The following ZNF717 variants were observed in gnomAD, a reference collection of about 807,000 sequenced individuals.
The protein encoded by ZNF717 is zinc finger protein 717.
In ZNF717, 9 loss-of-function variants were observed where a neutral mutation model predicts 13.8. The ratio of observed to expected loss-of-function variants is 0.65; its 90% CI spans 0.39 to 1.14. The LOEUF (loss-of-function observed/expected upper bound fraction) is 1.14. Ranked by LOEUF, ZNF717 falls within the 50% of genes most tolerant of loss-of-function variation. The probability of loss-of-function intolerance (pLI) is 0.01; values close to 1 mark genes in which losing one functional copy is unlikely to be tolerated. For missense variants in ZNF717, 1,040 were observed against 1,080.7 expected, an observed-to-expected ratio of 0.96 and a Z score of 0.53; for synonymous variants, 327 against 364.1, an observed-to-expected ratio of 0.90 and a Z score of 1.16.
chr3:75,701,209 G>A (rs1459749148), intron 6 of ZNF717, among the ~76,000 whole-genome samples: 25 of 151,914 alleles, frequency 1.6e-4, no homozygotes, highest in Admixed American at 3.9e-4. Context: ...CAGTTCTCAT[G>A]AGATCTGATG....
At chr3:75,726,176 G>A (rs1938274995), downstream of ZNF717, among the ~76,000 whole-genome samples, 1 of 152,288 alleles carries the variant, frequency 6.6e-6, no homozygotes, top group Non-Finnish European at 1.5e-5. Context: ...AAGATCACTA[G>A]GCATTTGTTA....
chr3:75,714,360 A>G (rs1467443933), intron 5 of ZNF717, among the ~76,000 whole-genome samples: 1 of 151,812 alleles, frequency 6.6e-6, no homozygotes, highest in Non-Finnish European at 1.5e-5. Context: ...TAGACCAAGG[A>G]GCCCTTGTCT....
At chr3:75,720,303 C>T (rs1436909796) in intron 4 of ZNF717, among the ~76,000 whole-genome samples, 2 of 152,152 alleles carry the variant, frequency 1.3e-5, no homozygotes, top group East Asian at 3.9e-4. Context: ...TACTATGCAG[C>T]CATAAAAAAG....
downstream of ZNF717, among the ~76,000 whole-genome samples, chr3:75,705,184 A>G (rs796353000): frequency 2.0e-5 from 3 of 152,300 alleles, no homozygotes; most frequent in Admixed American, 2.0e-4. Flanking sequence ...GAGTTTTGTC[A>G]GTTTTGTCAC....
At chr3:75,719,094 G>C (rs1239038576) in intron 4 of ZNF717, among the ~76,000 whole-genome samples, 14 of 152,126 alleles carry the variant, frequency 9.2e-5, no homozygotes, top group Admixed American at 8.5e-4. Flanking sequence ...AGGAGTTTGA[G>C]ACCAACCTGG....
At chr3:75,769,590 G>A (rs1943743303) in intron 2 of ZNF717, among the ~76,000 whole-genome samples, 1 of 152,194 alleles carries the variant, frequency 6.6e-6, no homozygotes. Context: ...GTAGAACCTT[G>A]ATCTGAAACA....
chr3:75,771,983 C>G (rs1385236218), intron 2 of ZNF717, among the ~76,000 whole-genome samples: 1 of 152,254 alleles, frequency 6.6e-6, no homozygotes, highest in African/African-American at 2.4e-5. Context: ...GCAGTGCTGA[C>G]ATGCCAGCCC....
At position 75,737,101 on chromosome 3, in the gene ZNF717, G is replaced by A. The variant is rs79138891; in HGVS notation, c.2522C>T (p.Pro841Leu). The change falls in exon 5 of 5, where the codon CCC becomes CTC. Residue 841 changes from proline (P) to leucine (L), a missense_variant. Pro to Leu is a moderately conservative substitution (Grantham distance 98, BLOSUM62 -3). This residue lies in a region of ZNF717 where 873 missense variants were observed against 832.8 expected (regional missense o/e 1.05). Transcript: ENST00000652011. ...TTTCCTACATTCATTACATCTAAAG[G>A]GTTTTTCCCCTGTGTGAGTTCTGTG... ...VHHRTHTGEKPFRCNECRKTF... is the reference protein window; with the variant it reads ...VHHRTHTGEKLFRCNECRKTF... 3.8e-6 allele frequency: 6 copies of A among 1,567,512 alleles called. No homozygotes were observed. The highest frequency in any genetic ancestry group is 5.2e-6 in the Non-Finnish European group (6 of 1,155,730).
At chr3:75,711,609 A>G (rs1452624358) in intron 5 of ZNF717, among the ~76,000 whole-genome samples, 1 of 152,168 alleles carries the variant, frequency 6.6e-6, no homozygotes, top group Non-Finnish European at 1.5e-5. Context: ...CAGCCTGGGC[A>G]ATATGGAGAA....
rs878861280 is a variant in ZNF717, at chr3:75,741,522, C to G, written c.184+88G>C. On this transcript the variant is annotated intron_variant, in intron 3 of 4. Coordinates refer to ENST00000652011, the MANE Select transcript of ZNF717 (RefSeq NM_001290208.3). ...ACATTTTTCATCAACTGGAAGCTTA[C>G]AAGTAAATATTATTATACCTTAAAA... is the stretch of plus-strand genomic sequence containing the variant. 153 of 1,498,990 alleles carry G rather than the reference C, an allele frequency of 1.0e-4. 2 individuals carry two copies. In the South Asian group the frequency reaches 1.8e-3, roughly 18 times the overall value. 92.9% of individuals were successfully genotyped at this position (1,498,990 alleles called of 1,614,324 possible).
chr3:75,707,622 C>A (rs1230508384), downstream of ZNF717, among the ~76,000 whole-genome samples: 2 of 152,214 alleles, frequency 1.3e-5, no homozygotes, highest in Non-Finnish European at 2.9e-5. Flanking sequence ...GGGTGCAGTG[C>A]ACGGTGCACA....
At chr3:75,703,145 A>G (rs75336093) in intron 6 of ZNF717, among the ~76,000 whole-genome samples, 1 of 152,308 alleles carries the variant, frequency 6.6e-6, no homozygotes, top group Non-Finnish European at 1.5e-5. Context: ...TGCATTCTAG[A>G]GTTTGTCCTC....
exon 6 of ZNF717, chr3:75,730,475 T>C (rs1404621139): frequency 1.0e-4 from 54 of 538,816 alleles, no homozygotes; most frequent in African/African-American, 9.4e-4. Context: ...TGATGTGAAA[T>C]TTGGAAAAAT....
chr3:75,755,594 T>A (rs1436060295), intron 2 of ZNF717, among the ~76,000 whole-genome samples: 1 of 152,144 alleles, frequency 6.6e-6, no homozygotes, highest in African/African-American at 2.4e-5. Context: ...GAGGGAGGAA[T>A]CAGGTGTTTT....
chr3:75,710,029 G>A (rs74965788), exon 6 of ZNF717: 6 of 152,142 alleles, frequency 3.9e-5, no homozygotes, highest in Non-Finnish European at 7.3e-5. Flanking sequence ...TTCAGGCTAA[G>A]TCTACCTGGA....
At chr3:75,719,190 G>T (rs1938121454) in intron 4 of ZNF717, among the ~76,000 whole-genome samples, 3 of 151,710 alleles carry the variant, frequency 2.0e-5, no homozygotes, top group Non-Finnish European at 4.4e-5. Context: ...AGGTACTTGG[G>T]AAGCTGAGGT....
chr3:75,707,017 T>G (rs1451172569), downstream of ZNF717, among the ~76,000 whole-genome samples: 2 of 152,288 alleles, frequency 1.3e-5, no homozygotes, highest in Non-Finnish European at 2.9e-5. Context: ...TCACAGATCA[T>G]AAAGCATAGA....
Position 75,783,318 on chromosome 3 carries a change from C to A in ZNF717, c.45G>T (p.Lys15Asn), listed in dbSNP as rs1408386200. 3.9e-6 allele frequency: 6 copies of A among 1,550,874 alleles called. 1 individual carries two copies. Among genetic ancestry groups the A allele is most frequent in the South Asian group, 1.2e-5 (1 of 84,048 alleles). The change falls in exon 2 of 5, where the codon AAG (lysine) becomes AAT (asparagine). Residue 15 changes from lysine to asparagine, a missense_variant. Physicochemically the swap from Lys to Asn is moderately conservative, Grantham distance 94. Around this residue, in one of 3 missense-constraint regions of ZNF717, gnomAD observed 123 missense variants for 177.8 expected, o/e 0.69. Transcript: ENST00000652011. ...FSGCFQELQE[K>N]NKSLELVSFE... Reference sequence around the variant, plus strand: ...ATAAACAACTCACCAGAGATTTATTCTTTTCTTGTAGCTCTTGGAAACAGC... The same window carrying A: ...ATAAACAACTCACCAGAGATTTATTATTTTCTTGTAGCTCTTGGAAACAGC...
chr3:75,765,646 A>G (rs971627724), intron 2 of ZNF717, among the ~76,000 whole-genome samples: 3 of 152,192 alleles, frequency 2.0e-5, no homozygotes, highest in Admixed American at 1.3e-4. Context: ...TCCTGGGCTC[A>G]AGCAATCCAC....
Sources: allele counts gnomAD v4.1 joint callset (sites outside exome capture counted in the v4.1 genomes callset), GRCh38; gene constraint gnomAD v4.1.1; regional missense constraint gnomAD v4.1.1; transcripts MANE v1.5; gene names NCBI Gene and HGNC (gene_info 2026-07-23, HGNC 2026-07-21).